Variants in NBPF9 observed in about 807,000 individuals in gnomAD.
NBPF9 encodes the protein NBPF family member NBPF9.
In NBPF9, 91 loss-of-function variants were observed where a neutral mutation model predicts 97.8. That is an observed-to-expected ratio of 0.93 (90% CI 0.79 to 1.11). The LOEUF (loss-of-function observed/expected upper bound fraction) is 1.11, where lower values mean the gene tolerates loss of function less well. NBPF9 is among the 50% of genes least tolerant of loss of function. NBPF9 has a pLI of 0.00. For synonymous variants in NBPF9, 334 were observed against 359.5 expected (o/e 0.93, Z 0.80); for missense variants, 992 against 939.5 (o/e 1.06, Z -0.73).
intron 9 of NBPF9, among the ~76,000 whole-genome samples, chr1:149,078,787 C>A (rs1281784894): frequency 7.0e-6 from 1 of 142,326 alleles, no homozygotes; most frequent in Admixed American, 6.9e-5. Flanking sequence ...CTCCAAAGAC[C>A]ACCTTCCATC....
intron 25 of NBPF9, 26 bp from the exon 26 acceptor site, chr1:149,059,123 A>T (rs2078433791): frequency 2.4e-6 from 1 of 419,682 alleles, no homozygotes; most frequent in Admixed American, 4.3e-5. Flanking sequence ...AAAGTAAAGA[A>T]TAAGCCAGGG....
intron 13 of NBPF9, 48 bp from the exon 14 acceptor site, chr1:149,072,980 A>C: frequency 6.3e-7 from 1 of 1,576,988 alleles, no homozygotes; most frequent in East Asian, 2.2e-5. Flanking sequence ...GGGTTGAGTG[A>C]TCCGCTCAAA....
intron 5 of NBPF9, among the ~76,000 whole-genome samples, chr1:149,082,946 A>C (rs1296547958): frequency 1.3e-5 from 1 of 78,828 alleles, no homozygotes; most frequent in Non-Finnish European, 2.5e-5. Context: ...CGCCTGGCTA[A>C]TTTTTCTTTT....
exon 30 of NBPF9, chr1:149,055,868 G>C (rs587721841): frequency 1.2e-6 from 2 of 1,610,204 alleles, no homozygotes; most frequent in Non-Finnish European, 1.7e-6. Context: ...AAGACTTCAG[G>C]CTCTTCCACT....
intron 19 of NBPF9, among the ~76,000 whole-genome samples, 163 bp from the exon 20 acceptor site, chr1:149,063,968 C>G (rs587693271): frequency 3.1e-4 from 43 of 138,314 alleles, no homozygotes; most frequent in African/African-American, 1.2e-3. Flanking sequence ...AGACTAGGGC[C>G]AGGTAGAAAA....
intron 16 of NBPF9, among the ~76,000 whole-genome samples, chr1:149,070,716 G>A (rs1337079857): frequency 6.6e-6 from 1 of 152,086 alleles, no homozygotes; most frequent in East Asian, 1.9e-4. Flanking sequence ...AGGTGACTAT[G>A]AGATTGTCAC....
intron 18 of NBPF9, chr1:149,064,791 C>G (rs2078922856): frequency 1.7e-6 from 1 of 584,794 alleles, no homozygotes; most frequent in Non-Finnish European, 3.0e-6. Context: ...TCTAACACCT[C>G]ATAGGAGAGA....
At chr1:149,079,798 G>T (rs587644363) in intron 8 of NBPF9, among the ~76,000 whole-genome samples, 75 of 152,138 alleles carry the variant, frequency 4.9e-4, no homozygotes, top group East Asian at 1.4e-3. Context: ...CTCCTTTGGT[G>T]AATTTTGTGT....
rs1487455223 is a variant in NBPF9, at chr1:149,059,325, T to C, written c.2586-228A>G. ...AGACAGAGACAGAGAGAAAGTGACCTAGTGAATTGGCCGGGTGACACACTG... is the reference window on the plus strand; with the variant it reads ...AGACAGAGACAGAGAGAAAGTGACCCAGTGAATTGGCCGGGTGACACACTG... On this transcript the variant is annotated intron_variant, in intron 25 of 29. Coordinates refer to ENST00000584027, the Ensembl canonical transcript of NBPF9. 2.5e-5 allele frequency: 12 copies of C among 472,084 alleles called. 4 individuals carry two copies. The highest frequency in any genetic ancestry group is 4.9e-5 in the African/African-American group (2 of 41,028). The allele number at this position is 472,084 out of a possible 1,614,324, so 29.2% of individuals were successfully genotyped here.
chr1:149,072,874 A>G lies in NBPF9; in HGVS notation c.1150T>C (p.Leu384=), dbSNP rs587596121. ...CGGGAGGCATCTCTCCCTTCCCGCA[A>G]CTTCTCCCTTAACTGGGTCAGCTCT... Residue 384 remains leucine (L), a synonymous_variant, in exon 14 of 30, where the codon TTG becomes CTG. Transcript: ENST00000584027. The G allele has an allele frequency of 5.2e-5, 84 of 1,606,236 alleles. 2 individuals are homozygous for G. The African/African-American group carries it at 1.1e-3, about 21-fold the overall frequency.
chr1:149,070,472 G>T (rs1393864601), intron 16 of NBPF9, among the ~76,000 whole-genome samples: 5 of 151,818 alleles, frequency 3.3e-5, no homozygotes, highest in Admixed American at 2.0e-4. Flanking sequence ...CTGATTTCAG[G>T]GTGACTGTGC....
At chr1:149,075,655 T>C (rs781993855) in exon 12 of NBPF9, 5 of 1,608,308 alleles carry the variant, frequency 3.1e-6, no homozygotes, top group Non-Finnish European at 4.3e-6. Flanking sequence ...TAGATCTTAC[T>C]GTATTTGTTC....
intron 27 of NBPF9, among the ~76,000 whole-genome samples, chr1:149,057,753 A>ACT (rs1575821192): frequency 3.0e-4 from 24 of 80,104 alleles, no homozygotes; most frequent in African/African-American, 1.1e-3. Context: ...ACACACACAC[A>ACT]GAGAGAGAGA....
intron 13 of NBPF9, 65 bp downstream of exon 13, chr1:149,073,703 C>G (rs3979921): frequency 7.0e-6 from 9 of 1,294,462 alleles, no homozygotes; most frequent in African/African-American, 4.2e-5. Context: ...GTCTCCCCAC[C>G]GAGCTGCTGT....
intron 14 of NBPF9, among the ~76,000 whole-genome samples, chr1:149,071,910 C>T (rs682526): frequency 9.2e-5 from 14 of 151,932 alleles, no homozygotes; most frequent in Non-Finnish European, 1.6e-4. Context: ...AAAGACCTTT[C>T]GCTTCCCATA....
chr1:149,057,742 C>CAAACACACAA (rs1575821145), intron 27 of NBPF9, among the ~76,000 whole-genome samples: 1 of 102,068 alleles, frequency 9.8e-6, no homozygotes, highest in African/African-American at 3.5e-5. Context: ...CACACACACA[C>CAAACACACAA]ACACACACAC....
chr1:149,083,066 C>T (rs2080661596), intron 5 of NBPF9, among the ~76,000 whole-genome samples: 1 of 149,528 alleles, frequency 6.7e-6, no homozygotes, highest in Non-Finnish European at 1.5e-5. Context: ...CCTCAGCCTC[C>T]CAAAGTGCTG....
Position 149,072,866 on chromosome 1 carries a change from T to G in NBPF9, c.1158A>C (p.Glu386Asp), listed in dbSNP as rs587641774. 15 of 1,604,888 alleles carry G rather than the reference T, an allele frequency of 9.3e-6. 1 individual carries two copies. The Admixed American group carries it at 2.3e-4, about 25-fold the overall frequency. ...TCAATGAGCGGGAGGCATCTCTCCCTTCCCGCAACTTCTCCCTTAACTGGG... is the reference window on the plus strand; with the variant it reads ...TCAATGAGCGGGAGGCATCTCTCCCGTCCCGCAACTTCTCCCTTAACTGGG... The change falls in exon 14 of 30, where the codon GAA becomes GAC. Residue 386 changes from glutamate to aspartate, a missense_variant. Glu to Asp is a conservative substitution (Grantham distance 45). This residue lies in a region of NBPF9 where 187 missense variants were observed against 149.6 expected (regional missense o/e 1.25). Coordinates refer to ENST00000584027, the Ensembl canonical transcript of NBPF9.
chr1:149,060,355 A>G lies in NBPF9; in HGVS notation c.2476+168T>C, dbSNP rs879240191. On this transcript the variant is annotated intron_variant, in intron 24 of 29. Coordinates refer to ENST00000584027, the Ensembl canonical transcript of NBPF9. The stretch of plus-strand genomic sequence containing the variant: ...AGTCTTGCCCACTGACCCATCCCTC[A>G]TCTGGGCTTCCAGGTAGAACTAGAG... 14 of 472,820 alleles carry G rather than the reference A, an allele frequency of 3.0e-5. 2 individuals carry two copies. Among genetic ancestry groups the G allele is most frequent in the Middle Eastern group, 6.9e-4 (1 of 1,446 alleles). 29.3% of individuals were successfully genotyped at this position (472,820 alleles called of 1,614,324 possible).
Sources: allele counts gnomAD v4.1 joint callset (sites outside exome capture counted in the v4.1 genomes callset), GRCh38; gene constraint gnomAD v4.1.1; regional missense constraint gnomAD v4.1.1; transcripts MANE v1.5; gene names NCBI Gene and HGNC (gene_info 2026-07-23, HGNC 2026-07-21).